The following RFTN1 variants were observed in gnomAD, a reference collection of about 807,000 sequenced individuals.
RFTN1 encodes the protein raftlin.
RFTN1 carries 26 observed loss-of-function variants against 46.5 expected under a neutral mutation model. The ratio of observed to expected loss-of-function variants is 0.56; its 90% CI spans 0.41 to 0.78. RFTN1 has a LOEUF of 0.78. Ranked by LOEUF, RFTN1 falls within the 30% of genes least tolerant of loss-of-function variation. The pLI is 0.00. For synonymous variants in RFTN1, 261 were observed against 284.2 expected (o/e 0.92, Z 0.82); for missense variants, 693 against 718.7 (o/e 0.96, Z 0.41).
rs189718423 is a variant in RFTN1 at position 16,495,677 on chromosome 3, G to C, written c.-8-1800C>G. ...TGCCCTACCTGAAGGGAAAGGGCAG[G>C]CAGTGTGGTTTGGCAGGCCAGAGAG... On this transcript the variant is annotated intron_variant, in intron 1 of 9. Transcript: ENST00000334133. Among the ~76,000 whole-genome samples, 5 of 152,354 alleles carry C rather than the reference G, an allele frequency of 3.3e-5. No homozygotes were observed. The East Asian group carries it at 5.8e-4, about 18-fold the overall frequency.
rs921063652 is a variant in RFTN1, at chr3:16,473,655, C to T, written c.145+20070G>A. 1.3e-5 allele frequency among the ~76,000 whole-genome samples: 2 copies of T among 152,160 alleles called. No homozygotes were observed. Among genetic ancestry groups the T allele is most frequent in the African/African-American group, 4.8e-5 (2 of 41,430 alleles). ...CTCCTGAGCTCAGGCAATCCACCCG[C>T]CTTGGCCTCCCAAAGTGCTAAGATT... On this transcript the variant is annotated intron_variant, in intron 2 of 9. Transcript: ENST00000334133. This position sits in a 1 kb window ranked among gnomAD's most constrained non-coding sequence, Gnocchi z 5.3.
chr3:16,428,394 G>A lies in RFTN1; in HGVS notation c.332+5457C>T, dbSNP rs951805054. Among the ~76,000 whole-genome samples, 11 of 152,210 alleles carry A rather than the reference G, an allele frequency of 7.2e-5. No individual in the cohort carries two copies. The highest frequency in any genetic ancestry group is 2.7e-4 in the African/African-American group (11 of 41,450). On this transcript the variant is annotated intron_variant, in intron 3 of 9. Transcript: ENST00000334133. This position sits in a 1 kb window ranked among gnomAD's most constrained non-coding sequence, Gnocchi z 4.7. ...CTGATCTAGTCCTGAAGGAAGACAT[G>A]CATTGGTCAGGTAGAGAGATGCCAC...
In RFTN1 at chr3:16,512,630, GGGCACCAGC is replaced by G. The variant is rs368540469; in HGVS notation, c.-9+803_-9+811del. Among the ~76,000 whole-genome samples, 156 of 152,244 alleles carry G rather than the reference GGGCACCAGC, an allele frequency of 1.0e-3. No individual in the cohort carries two copies. Among genetic ancestry groups the G allele is most frequent in the African/African-American group, 3.7e-3 (152 of 41,532 alleles). On this transcript the variant is annotated intron_variant, in intron 1 of 9. Coordinates refer to ENST00000334133, the MANE Select transcript of RFTN1 (RefSeq NM_015150.2). This position sits in a 1 kb window ranked among gnomAD's most constrained non-coding sequence, Gnocchi z 4.3. ...CAAAGGCAGCGACACCGGAGGTGAAGGGCACCAGCCCTGGCCTAGGACTGGGGTGCGCGT... is the reference window on the plus strand; with the variant it reads ...CAAAGGCAGCGACACCGGAGGTGAAGCCTGGCCTAGGACTGGGGTGCGCGT...
rs574134832 is a variant in RFTN1, at chr3:16,380,735, G to A, written c.442-2633C>T. 6.6e-6 allele frequency among the ~76,000 whole-genome samples: 1 copy of A among 152,212 alleles called. No homozygotes were observed. The highest frequency in any genetic ancestry group is 1.9e-4 in the East Asian group (1 of 5,204). On this transcript the variant is annotated intron_variant, in intron 4 of 9. Coordinates refer to ENST00000334133, the MANE Select transcript of RFTN1 (RefSeq NM_015150.2). This position sits in a 1 kb window ranked among gnomAD's most constrained non-coding sequence, Gnocchi z 4.8. ...CCTCCGAGTGATTCCAATGCAGCCT[G>A]ATGTTTGAGAATCACTGCTCTAGAA...
rs1196978250 is a variant in RFTN1, at chr3:16,352,501, T to C, written c.1146+5431A>G. Among the ~76,000 whole-genome samples, 4 of 152,244 alleles carry C rather than the reference T, an allele frequency of 2.6e-5. No homozygotes were observed. Among genetic ancestry groups the C allele is most frequent in the African/African-American group, 9.6e-5 (4 of 41,466 alleles). Reference sequence around the variant, plus strand: ...ATACCTGTTATAAATGCCCTATGGATAGACATTTATCTTACAAATGCCTTT... The same window carrying C: ...ATACCTGTTATAAATGCCCTATGGACAGACATTTATCTTACAAATGCCTTT... On this transcript the variant is annotated intron_variant, in intron 7 of 9. Coordinates refer to ENST00000334133, the MANE Select transcript of RFTN1 (RefSeq NM_015150.2). This position sits in a 1 kb window ranked among gnomAD's most constrained non-coding sequence, Gnocchi z 4.6.
chr3:16,492,087 G>A (rs1470511435), intron 2 of RFTN1, among the ~76,000 whole-genome samples: 10 of 152,196 alleles, frequency 6.6e-5, no homozygotes, highest in Non-Finnish European at 1.2e-4. Context: ...ACAGGGGGAA[G>A]GCATGGTCAT....
chr3:16,339,607 A>G (rs894033040), intron 7 of RFTN1: 2 of 152,206 alleles, frequency 1.3e-5, no homozygotes, highest in Non-Finnish European at 2.9e-5. Context: ...TGAAAAACCC[A>G]AAGTCCAGAA....
At chr3:16,324,051 G>C (rs79695911) in intron 8 of RFTN1, among the ~76,000 whole-genome samples, 4,085 of 152,302 alleles carry the variant, frequency 0.027, 146 homozygotes, top group East Asian at 0.11. Context: ...TCCCAGGAAG[G>C]CAGGACCTGG....
In RFTN1 at chr3:16,358,120, A is replaced by G. The variant is rs760768162; in HGVS notation, c.1031-73T>C. 195 of 827,234 alleles carry G rather than the reference A, an allele frequency of 2.4e-4. No homozygotes were observed. In the African/African-American group the frequency reaches 3.0e-3, roughly 13 times the overall value. The allele number at this position is 827,234 out of a possible 1,614,324, so 51.2% of individuals were successfully genotyped here. On this transcript the variant is annotated intron_variant, in intron 6 of 9. Transcript: ENST00000334133. ...TGTGGCAGAAGTCTTCTAAGCAGCA[A>G]ACATTTCCACTGCATTCATTAATAA...
chr3:16,436,352 A>G (rs2075514433), intron 2 of RFTN1, among the ~76,000 whole-genome samples: 2 of 140,912 alleles, frequency 1.4e-5, no homozygotes, highest in African/African-American at 5.3e-5. Flanking sequence ...TGCCATGAAA[A>G]AAAAAATTTT....
chr3:16,379,363 T>C (rs1273774633), intron 4 of RFTN1, among the ~76,000 whole-genome samples: 2 of 152,260 alleles, frequency 1.3e-5, no homozygotes, highest in Non-Finnish European at 2.9e-5. Flanking sequence ...AAAATAAGAA[T>C]AGTAGTAATT....
chr3:16,445,652 G>T (rs1279796545), intron 2 of RFTN1, among the ~76,000 whole-genome samples: 3 of 152,058 alleles, frequency 2.0e-5, no homozygotes, highest in Non-Finnish European at 4.4e-5. Flanking sequence ...ATGAAAAAGA[G>T]AATGTAAAAT....
In RFTN1 at chr3:16,380,328, C is replaced by T. The variant is rs891444789; in HGVS notation, c.442-2226G>A. Among the ~76,000 whole-genome samples the T allele has an allele frequency of 5.3e-5, 8 of 152,188 alleles. No homozygotes were observed. The South Asian group carries it at 6.2e-4, about 12-fold the overall frequency. On this transcript the variant is annotated intron_variant, in intron 4 of 9. Coordinates refer to ENST00000334133, the MANE Select transcript of RFTN1 (RefSeq NM_015150.2). The surrounding 1 kb of genome is among the most constrained non-coding windows in gnomAD (Gnocchi z 4.8). ...TGCGCCAAAGGATGGGGCACAAAGA[C>T]GGTATCTCTAACCTCTCTCCTTATC...
rs999292057 is a variant in RFTN1 at position 16,442,284 on chromosome 3, T to C, written c.146-8247A>G. ...TTGGTGGCGTTTAGTATCTTCATGATGTTGCACAACCATCAGCTCTATCTA... is the reference window on the plus strand; with the variant it reads ...TTGGTGGCGTTTAGTATCTTCATGACGTTGCACAACCATCAGCTCTATCTA... On this transcript the variant is annotated intron_variant, in intron 2 of 9. Coordinates refer to ENST00000334133, the MANE Select transcript of RFTN1 (RefSeq NM_015150.2). The surrounding 1 kb of genome is among the most constrained non-coding windows in gnomAD (Gnocchi z 4.1). Among the ~76,000 whole-genome samples, 20 of 152,222 alleles carry C rather than the reference T, an allele frequency of 1.3e-4. No individual in the cohort carries two copies. The highest frequency in any genetic ancestry group is 4.8e-4 in the African/African-American group (20 of 41,458).
chr3:16,482,856 A>G (rs2076390472), intron 2 of RFTN1: 1 of 1,535,126 alleles, frequency 6.5e-7, no homozygotes, highest in Admixed American at 2.0e-5. Flanking sequence ...AAGATGAAGG[A>G]CTGTACGAGG....
chr3:16,323,785 C>A (rs574362790), intron 8 of RFTN1, among the ~76,000 whole-genome samples: 8 of 152,198 alleles, frequency 5.3e-5, no homozygotes, highest in Non-Finnish European at 1.0e-4. Context: ...GGGGCAGGGG[C>A]CTTTTCCAAA....
chr3:16,342,414 C>A lies in RFTN1; in HGVS notation c.1146+15518G>T, dbSNP rs2071377140. ...AATAATATTCCATCATATGGATATACCATAGTTTATTCATCATTTGATGAA... is the reference window on the plus strand; with the variant it reads ...AATAATATTCCATCATATGGATATAACATAGTTTATTCATCATTTGATGAA... On this transcript the variant is annotated intron_variant, in intron 7 of 9. Coordinates refer to ENST00000334133, the MANE Select transcript of RFTN1 (RefSeq NM_015150.2). This position sits in a 1 kb window ranked among gnomAD's most constrained non-coding sequence, Gnocchi z 4.0. Among the ~76,000 whole-genome samples, 1 of 152,096 alleles carries A rather than the reference C, an allele frequency of 6.6e-6. No individual in the cohort carries two copies. The highest frequency in any genetic ancestry group is 6.5e-5 in the Admixed American group (1 of 15,280).
intron 4 of RFTN1, 24 bp from the exon 5 acceptor site, chr3:16,378,126 G>T: frequency 6.3e-7 from 1 of 1,590,156 alleles, no homozygotes; most frequent in Non-Finnish European, 8.6e-7. Flanking sequence ...AAAAGGAAGG[G>T]AAACAAGTGA....
In RFTN1 at chr3:16,512,874, G is replaced by C. The variant is rs986722739; in HGVS notation, c.-9+568C>G. On this transcript the variant is annotated intron_variant, in intron 1 of 9. Coordinates refer to ENST00000334133, the MANE Select transcript of RFTN1 (RefSeq NM_015150.2). The surrounding 1 kb of genome is among the most constrained non-coding windows in gnomAD (Gnocchi z 4.3). ...GTTCCGGCGCTTCCTCGGAGCGCGC[G>C]GCATGTCTGCTCCTACACGTCCAGC... The C allele has an allele frequency of 3.3e-5, 5 of 152,134 alleles. No homozygotes were observed. Among genetic ancestry groups the C allele is most frequent in the Non-Finnish European group, 7.3e-5 (5 of 68,100 alleles). 9.4% of individuals were successfully genotyped at this position (152,134 alleles called of 1,614,324 possible). A position where few individuals can be genotyped will look rare whatever the true frequency, so the allele number is the denominator to read the frequency against.
Sources: allele counts gnomAD v4.1 joint callset (sites outside exome capture counted in the v4.1 genomes callset), GRCh38; gene constraint gnomAD v4.1.1; non-coding constraint Gnocchi (gnomAD v3.1); transcripts MANE v1.5; gene names NCBI Gene and HGNC (gene_info 2026-07-23, HGNC 2026-07-21).